The following FNDC3B variants were observed in gnomAD, a reference collection of about 807,000 sequenced individuals.
The protein encoded by FNDC3B is fibronectin type III domain-containing protein 3B.
In FNDC3B, 12 loss-of-function variants were observed where a neutral mutation model predicts 151.5. The observed-to-expected ratio is 0.08, with a 90% CI of 0.05 to 0.13. The LOEUF (loss-of-function observed/expected upper bound fraction) is 0.13. Ranked by LOEUF, FNDC3B falls within the 10% of genes least tolerant of loss-of-function variation. The pLI is 1.00. For synonymous variants in FNDC3B, 528 were observed against 549.0 expected, an observed-to-expected ratio of 0.96 and a Z score of 0.54; for missense variants, 1,214 against 1,505.3, an observed-to-expected ratio of 0.81 and a Z score of 3.20.
chr3:172,329,928 T>C (rs1367898751), intron 12 of FNDC3B: 1 of 152,240 alleles, frequency 6.6e-6, no homozygotes, highest in South Asian at 2.1e-4. Context: ...CTGTATATAT[T>C]GTAAAACATT....
At chr3:172,347,092 A>G in intron 20 of FNDC3B, 120 bp from the exon 21 acceptor site, 2 of 838,538 alleles carry the variant, frequency 2.4e-6, no homozygotes, top group South Asian at 2.1e-5. Flanking sequence ...TTTCTTTTAT[A>G]TGTATTTGAA....
chr3:172,258,909 G>A (rs940385937), intron 6 of FNDC3B, among the ~76,000 whole-genome samples: 3 of 152,162 alleles, frequency 2.0e-5, no homozygotes, highest in Non-Finnish European at 2.9e-5. Flanking sequence ...TCTGTCTTGT[G>A]AGCACATATC....
intron 1 of FNDC3B, among the ~76,000 whole-genome samples, chr3:172,079,902 T>G (rs555524141): frequency 2.0e-5 from 3 of 151,810 alleles, no homozygotes; most frequent in African/African-American, 7.2e-5. Context: ...ACTGAAACCC[T>G]ATGAGGCTGC....
At chr3:172,288,604 G>C (rs780880682) in intron 7 of FNDC3B, among the ~76,000 whole-genome samples, 1 of 152,202 alleles carries the variant, frequency 6.6e-6, no homozygotes, top group Non-Finnish European at 1.5e-5. Flanking sequence ...GAAAAGGCAC[G>C]TTGAGAAACT....
chr3:172,240,730 G>A (rs1045938348), intron 4 of FNDC3B, among the ~76,000 whole-genome samples: 5 of 152,176 alleles, frequency 3.3e-5, no homozygotes, highest in Non-Finnish European at 2.9e-5. Context: ...TGAATGAGAT[G>A]GCCCATGTCA....
intron 22 of FNDC3B, among the ~76,000 whole-genome samples, chr3:172,361,321 T>G (rs758263014): frequency 1.3e-5 from 2 of 152,240 alleles, no homozygotes; most frequent in Non-Finnish European, 2.9e-5. Flanking sequence ...GCTTCCCTTT[T>G]AATTATAAGT....
At position 172,285,975 on chromosome 3, in the gene FNDC3B, G is replaced by T. The variant is rs764227879; in HGVS notation, c.840G>T (p.Glu280Asp). 8 of 1,609,014 alleles carry T rather than the reference G, an allele frequency of 5.0e-6. No homozygotes were observed. The Admixed American group carries it at 1.2e-4, about 24-fold the overall frequency. The change falls in exon 7 of 26, where the codon GAG (glutamate) becomes GAT (aspartate). Residue 280 changes from glutamate to aspartate, a missense_variant. By Grantham distance (45) the Glu-to-Asp change is conservative (BLOSUM62 2). Around this residue, in one of 7 missense-constraint regions of FNDC3B, gnomAD observed 156 missense variants for 225.3 expected, o/e 0.69. Coordinates refer to ENST00000415807, the MANE Select transcript of FNDC3B (RefSeq NM_022763.4). ...KRVQDILSGIEKPQVSNIQAR... is the reference protein window; with the variant it reads ...KRVQDILSGIDKPQVSNIQAR... ...TGCAAGACATTCTTTCGGGAATAGA[G>T]AAACCACAGGTATGTCTTCTGGATT... is the stretch of plus-strand genomic sequence containing the variant.
intron 3 of FNDC3B, among the ~76,000 whole-genome samples, chr3:172,154,340 C>G (rs1022251030): frequency 6.6e-6 from 1 of 152,232 alleles, no homozygotes; most frequent in South Asian, 2.1e-4. Flanking sequence ...CTCAGCCTCC[C>G]GAGTAGCTGG....
chr3:172,066,935 A>G (rs1717527159), intron 1 of FNDC3B, among the ~76,000 whole-genome samples: 1 of 152,212 alleles, frequency 6.6e-6, no homozygotes, highest in Non-Finnish European at 1.5e-5. Flanking sequence ...GTTCAGTAGC[A>G]GACATATACA....
intron 4 of FNDC3B, among the ~76,000 whole-genome samples, chr3:172,244,552 T>C (rs549300362): frequency 9.0e-4 from 136 of 150,830 alleles, no homozygotes; most frequent in Non-Finnish European, 1.6e-3. Flanking sequence ...ATTTATGTTA[T>C]AGAAAAATGG....
At chr3:172,390,252 A>G (rs751711036) in intron 25 of FNDC3B, among the ~76,000 whole-genome samples, 21 of 152,360 alleles carry the variant, frequency 1.4e-4, no homozygotes, top group Middle Eastern at 3.4e-3. Flanking sequence ...TGTTCCAATT[A>G]AAATAACAAG....
chr3:172,133,385 T>C (rs1409235520), intron 2 of FNDC3B, 86 bp from the exon 3 acceptor site: 12 of 1,015,072 alleles, frequency 1.2e-5, no homozygotes, highest in Non-Finnish European at 1.7e-5. Flanking sequence ...ACATGCTTCC[T>C]GTCTAGTATA....
intron 4 of FNDC3B, among the ~76,000 whole-genome samples, chr3:172,229,122 C>CAT (rs1477518357): frequency 6.6e-6 from 1 of 150,646 alleles, no homozygotes; most frequent in Non-Finnish European, 1.5e-5. Context: ...CACACACACA[C>CAT]ACACACACAC....
chr3:172,056,593 A>C (rs557350559), intron 1 of FNDC3B, among the ~76,000 whole-genome samples: 1 of 151,980 alleles, frequency 6.6e-6, no homozygotes, highest in African/African-American at 2.4e-5. Context: ...GTGTCTTAGC[A>C]CTCTCAGTGT....
At chr3:172,098,998 C>G (rs554747273) in intron 1 of FNDC3B, among the ~76,000 whole-genome samples, 4 of 152,320 alleles carry the variant, frequency 2.6e-5, no homozygotes, top group Admixed American at 2.0e-4. Flanking sequence ...AATACACATT[C>G]CACTCAGGGT....
chr3:172,240,656 G>A (rs1727447186), intron 4 of FNDC3B, among the ~76,000 whole-genome samples: 1 of 152,108 alleles, frequency 6.6e-6, no homozygotes, highest in Non-Finnish European at 1.5e-5. Flanking sequence ...TAATCATGCT[G>A]TGCCTTGGTT....
intron 6 of FNDC3B, among the ~76,000 whole-genome samples, chr3:172,279,764 GGA>G (rs1338830144): frequency 6.6e-6 from 1 of 152,156 alleles, no homozygotes; most frequent in African/African-American, 2.4e-5. Flanking sequence ...GTCACTAAAT[GGA>G]GAGTCTTAGA....
intron 2 of FNDC3B, among the ~76,000 whole-genome samples, chr3:172,131,167 C>T (rs1415847682): frequency 2.6e-5 from 4 of 152,108 alleles, no homozygotes; most frequent in African/African-American, 7.2e-5. Flanking sequence ...GAGGCCGAGA[C>T]GGACGGATCA....
At chr3:172,056,030 C>T (rs1259177326) in intron 1 of FNDC3B, among the ~76,000 whole-genome samples, 2 of 152,130 alleles carry the variant, frequency 1.3e-5, no homozygotes, top group African/African-American at 4.8e-5. Context: ...ATCCGCCCGC[C>T]TCGGCCTCCC....
Sources: gnomAD v4.1 joint callset for allele counts (sites outside exome capture counted in the v4.1 genomes callset) on GRCh38, gnomAD v4.1.1 for gene constraint, gnomAD v4.1.1 regional missense constraint, MANE v1.5 for transcripts, NCBI Gene and HGNC (gene_info 2026-07-23, HGNC 2026-07-21) for gene names.